SEMA3E: variants seen among roughly 807,000 people sequenced by gnomAD.
The protein encoded by SEMA3E is semaphorin 3E.
SEMA3E carries 49 observed loss-of-function variants against 93.6 expected under a neutral mutation model. The ratio of observed to expected loss-of-function variants is 0.52; its 90% CI spans 0.42 to 0.66. The LOEUF (loss-of-function observed/expected upper bound fraction) is 0.66. SEMA3E is among the 30% of genes least tolerant of loss of function. The pLI is 0.00. For synonymous variants in SEMA3E, 363 were observed against 330.7 expected (o/e 1.10, Z -1.06); for missense variants, 906 against 964.8 (o/e 0.94, Z 0.81).
chr7:83,615,738 T>C (rs1793351933), intron 1 of SEMA3E, among the ~76,000 whole-genome samples: 1 of 152,132 alleles, frequency 6.6e-6, no homozygotes, highest in African/African-American at 2.4e-5. Context: ...CTTCTATTGC[T>C]GTAAGTGAAA....
intron 1 of SEMA3E, among the ~76,000 whole-genome samples, chr7:83,494,803 T>A (rs1181734891): frequency 6.6e-6 from 1 of 151,980 alleles, no homozygotes; most frequent in Non-Finnish European, 1.5e-5. Context: ...CACCACAGTG[T>A]GACAATAGCT....
chr7:83,421,164 C>T (rs914752203), intron 4 of SEMA3E, among the ~76,000 whole-genome samples: 1 of 141,546 alleles, frequency 7.1e-6, no homozygotes, highest in African/African-American at 2.5e-5. Flanking sequence ...AATGTACTCT[C>T]AATAATTTGG....
chr7:83,445,968 C>T (rs191043553), intron 4 of SEMA3E, among the ~76,000 whole-genome samples: 2 of 152,268 alleles, frequency 1.3e-5, no homozygotes, highest in Admixed American at 1.3e-4. Context: ...ACAAAAGTAG[C>T]ATCTTGTGTA....
intron 1 of SEMA3E, among the ~76,000 whole-genome samples, chr7:83,503,012 CTTT>C (rs71074668): frequency 7.6e-6 from 1 of 131,204 alleles, no homozygotes. Flanking sequence ...CTTTCTCTCT[CTTT>C]TTTTTTTTTT....
At chr7:83,589,544 G>C (rs1792710834) in intron 1 of SEMA3E, among the ~76,000 whole-genome samples, 1 of 151,970 alleles carries the variant, frequency 6.6e-6, no homozygotes, top group Non-Finnish European at 1.5e-5. Context: ...CATAGAATGT[G>C]AATCACAGAT....
In SEMA3E at chr7:83,648,608, C is replaced by T. The variant is rs1045666368; in HGVS notation, c.-66G>A. On this transcript the variant is annotated 5_prime_UTR_variant, in exon 1 of 17. Transcript: ENST00000643230. ...AGGAGGGTCTGAGTTTTACTTAGGA[C>T]TTCCCTCCAGGGGCAGCGTGCGAGA... 7.4e-6 allele frequency: 9 copies of T among 1,224,058 alleles called. No individual in the cohort carries two copies. The African/African-American group carries it at 1.3e-4, about 18-fold the overall frequency. 75.8% of individuals were successfully genotyped at this position (1,224,058 alleles called of 1,614,324 possible).
intron 1 of SEMA3E, among the ~76,000 whole-genome samples, chr7:83,638,288 G>A (rs1252429776): frequency 6.6e-6 from 1 of 152,114 alleles, no homozygotes; most frequent in African/African-American, 2.4e-5. Context: ...GTTCTTTATA[G>A]CAACATCAGA....
chr7:83,537,988 T>C (rs926917252), intron 1 of SEMA3E, among the ~76,000 whole-genome samples: 1 of 152,180 alleles, frequency 6.6e-6, no homozygotes, highest in Non-Finnish European at 1.5e-5. Flanking sequence ...TGTGAACTTT[T>C]ATAACTTGTT....
chr7:83,391,918 T>A (rs2115578461), intron 14 of SEMA3E, among the ~76,000 whole-genome samples: 1 of 152,302 alleles, frequency 6.6e-6, no homozygotes, highest in African/African-American at 2.4e-5. Context: ...AAAAATACTT[T>A]TTTTCCTGAG....
intron 1 of SEMA3E, among the ~76,000 whole-genome samples, chr7:83,503,389 A>G (rs1488968470): frequency 2.0e-5 from 3 of 152,154 alleles, no homozygotes; most frequent in African/African-American, 7.2e-5. Flanking sequence ...TATACAAAGC[A>G]TCTCTAGTTT....
intron 2 of SEMA3E, among the ~76,000 whole-genome samples, chr7:83,489,328 CAAG>C (rs1416660361): frequency 6.6e-6 from 1 of 151,318 alleles, no homozygotes; most frequent in East Asian, 1.9e-4. Flanking sequence ...GAAGAAACAA[CAAG>C]AAGTTTAAAA....
chr7:83,514,637 A>G (rs1790891668), intron 1 of SEMA3E, among the ~76,000 whole-genome samples: 2 of 152,194 alleles, frequency 1.3e-5, no homozygotes, highest in Non-Finnish European at 2.9e-5. Flanking sequence ...ATCATAATTA[A>G]TGCATAGCCC....
chr7:83,615,845 C>CAGCAAGCATTGTTAA (rs1793355068), intron 1 of SEMA3E, among the ~76,000 whole-genome samples: 1 of 152,122 alleles, frequency 6.6e-6, no homozygotes, highest in Non-Finnish European at 1.5e-5. Flanking sequence ...TTGTTAAACA[C>CAGCAAGCATTGTTAA]AAGCCAAAGC....
chr7:83,581,625 T>C (rs1792519819), intron 1 of SEMA3E, among the ~76,000 whole-genome samples: 1 of 152,038 alleles, frequency 6.6e-6, no homozygotes, highest in Non-Finnish European at 1.5e-5. Flanking sequence ...CAAACATCAG[T>C]AGCTTAAATC....
chr7:83,500,590 CTTTTTTTTT>C (rs371350850), intron 1 of SEMA3E, among the ~76,000 whole-genome samples: 2 of 100,616 alleles, frequency 2.0e-5, no homozygotes, highest in Non-Finnish European at 3.7e-5. Flanking sequence ...AACTTTCTTC[CTTTTTTTTT>C]TTTTTTTTTT....
At chr7:83,474,263 A>T (rs1031480779) in intron 2 of SEMA3E, among the ~76,000 whole-genome samples, 2 of 152,102 alleles carry the variant, frequency 1.3e-5, no homozygotes, top group Admixed American at 1.3e-4. Context: ...CATGAGTAAT[A>T]ATGGGAATTT....
intron 4 of SEMA3E, among the ~76,000 whole-genome samples, chr7:83,446,511 G>T (rs1263516075): frequency 6.6e-6 from 1 of 152,276 alleles, no homozygotes; most frequent in East Asian, 1.9e-4. Context: ...AGCAAAATCT[G>T]GGGGCATTGA....
At position 83,474,158 on chromosome 7, in the gene SEMA3E, C is replaced by T. The variant is rs1333962289; in HGVS notation, c.277-4856G>A. Among the ~76,000 whole-genome samples, 4 of 150,606 alleles carry T rather than the reference C, an allele frequency of 2.7e-5. No individual in the cohort carries two copies. The East Asian group carries it at 7.8e-4, about 29-fold the overall frequency. On this transcript the variant is annotated intron_variant, in intron 2 of 16. Transcript: ENST00000643230. The stretch of plus-strand genomic sequence containing the variant: ...GCTTTTTCTTTTTCTTAAAGCCATG[C>T]CCCATAAAATATCAGATAAGGCATG...
At chr7:83,533,340 G>A (rs557703675) in intron 1 of SEMA3E, among the ~76,000 whole-genome samples, 2 of 152,156 alleles carry the variant, frequency 1.3e-5, no homozygotes, top group South Asian at 2.1e-4. Flanking sequence ...TTAGGAGTAC[G>A]AGACCAGTCT....
Sources: gnomAD v4.1 joint callset for allele counts (sites outside exome capture counted in the v4.1 genomes callset) on GRCh38, gnomAD v4.1.1 for gene constraint, MANE v1.5 for transcripts, NCBI Gene and HGNC (gene_info 2026-07-23, HGNC 2026-07-21) for gene names.